Variants in ODAD2 observed in about 807,000 individuals in gnomAD.
The protein encoded by ODAD2 is outer dynein arm docking complex subunit 2.
In ODAD2, 89 loss-of-function variants were observed where a neutral mutation model predicts 106.8. The observed-to-expected ratio is 0.83, with a 90% CI of 0.70 to 0.99. The LOEUF is 0.99. Ranked by LOEUF, ODAD2 falls within the 50% of genes least tolerant of loss-of-function variation. ODAD2 has a pLI of 0.00. For missense variants in ODAD2, 1,168 were observed against 1,238.5 expected (o/e 0.94, Z 0.85); for synonymous variants, 404 against 436.2 (o/e 0.93, Z 0.92).
intron 10 of ODAD2, among the ~76,000 whole-genome samples, chr10:27,954,972 A>G (rs1002748311): frequency 4.6e-5 from 7 of 152,208 alleles, no homozygotes; most frequent in African/African-American, 1.7e-4. Flanking sequence ...TGGAATTTAA[A>G]TATGTTATGA....
In ODAD2 at chr10:27,987,411, C is replaced by T; in HGVS notation, c.357G>A (p.Leu119=). 6.2e-7 allele frequency: 1 copy of T among 1,613,604 alleles called. No homozygotes were observed. Among genetic ancestry groups the T allele is most frequent in the Non-Finnish European group, 8.5e-7 (1 of 1,179,788 alleles). ...CTTCAACACATGCTTGGGCTTCCTT[C>T]AACTTCCCAGTTTTGGCAATAAGTA... ...RLLLIAKTGK[L]KEAQACVEAN... is the part of the protein sequence containing the mutation. The change falls in exon 3 of 20, where the codon TTG becomes TTA. Residue 119 remains leucine (L), a synonymous_variant. Transcript: ENST00000305242.
intron 17 of ODAD2, among the ~76,000 whole-genome samples, chr10:27,896,425 C>T (rs1019975619): frequency 3.3e-5 from 5 of 152,144 alleles, no homozygotes; most frequent in African/African-American, 1.2e-4. Context: ...AGGCAATATT[C>T]AAATTCAAGT....
chr10:27,863,158 C>A (rs1356797090), intron 17 of ODAD2, among the ~76,000 whole-genome samples: 1 of 152,110 alleles, frequency 6.6e-6, no homozygotes, highest in Non-Finnish European at 1.5e-5. Context: ...AACTCATGGC[C>A]AACAGCATTA....
At chr10:27,891,619 A>G (rs1277763884) in intron 17 of ODAD2, among the ~76,000 whole-genome samples, 2 of 152,128 alleles carry the variant, frequency 1.3e-5, no homozygotes, top group Admixed American at 6.5e-5. Flanking sequence ...ATTAATATGA[A>G]TTATACTATT....
intron 19 of ODAD2, among the ~76,000 whole-genome samples, chr10:27,845,306 A>G (rs1034509066): frequency 6.6e-6 from 1 of 152,320 alleles, no homozygotes; most frequent in East Asian, 1.9e-4. Flanking sequence ...CCAGAATTTC[A>G]TAGCCAGCCA....
At position 27,875,770 on chromosome 10, in the gene ODAD2, A is replaced by G. The variant is rs557010910; in HGVS notation, c.2611-13148T>C. Among the ~76,000 whole-genome samples, 9 of 152,318 alleles carry G rather than the reference A, an allele frequency of 5.9e-5. No homozygotes were observed. The East Asian group carries it at 1.5e-3, about 26-fold the overall frequency. On this transcript the variant is annotated intron_variant, in intron 17 of 19. Transcript: ENST00000305242. The stretch of plus-strand genomic sequence containing the variant: ...GGCATTGCCTCACCCAGGAAGCACA[A>G]GGGGTCAGGGAATTCCCTTTCCTAG...
chr10:27,881,981 C>T (rs1004492982), intron 17 of ODAD2, among the ~76,000 whole-genome samples: 3 of 151,752 alleles, frequency 2.0e-5, no homozygotes, highest in Admixed American at 6.6e-5. Context: ...GACTCGACAA[C>T]ATGGTGAAAC....
At chr10:27,981,374 A>G in intron 7 of ODAD2, 92 bp downstream of exon 7, 6 of 1,295,744 alleles carry the variant, frequency 4.6e-6, no homozygotes, top group Non-Finnish European at 6.1e-6. Context: ...AGTGCCCAAA[A>G]ATAGGCAAAA....
chr10:27,857,437 G>C (rs1839736291), intron 19 of ODAD2, among the ~76,000 whole-genome samples: 1 of 152,040 alleles, frequency 6.6e-6, no homozygotes, highest in Non-Finnish European at 1.5e-5. Context: ...CAGTGTAGTG[G>C]GTCATGACCC....
At chr10:27,904,476 A>G (rs1843442955) in intron 17 of ODAD2, 1 of 152,438 alleles carries the variant, frequency 6.6e-6, no homozygotes, top group Non-Finnish European at 1.5e-5. Flanking sequence ...ACTCCATCTC[A>G]ATAAATAAAA....
rs577668257 is a variant in ODAD2 at position 27,895,716 on chromosome 10, C to T, written c.2610+11947G>A. On this transcript the variant is annotated intron_variant, in intron 17 of 19. Transcript: ENST00000305242. ...TCTGAACAATACCTTTTCATCATCA[C>T]GCAAAGTGCTATTAATAGAGTTGCC... 3.9e-5 allele frequency among the ~76,000 whole-genome samples: 6 copies of T among 152,314 alleles called. No individual in the cohort carries two copies. The East Asian group carries it at 5.8e-4, about 15-fold the overall frequency.
At chr10:27,901,027 T>C (rs900035577) in intron 17 of ODAD2, among the ~76,000 whole-genome samples, 2 of 151,860 alleles carry the variant, frequency 1.3e-5, no homozygotes, top group Admixed American at 6.6e-5. Flanking sequence ...TTCAGCAAGA[T>C]TGAAATGGAG....
At chr10:27,825,975 G>A (rs538656397) in intron 19 of ODAD2, among the ~76,000 whole-genome samples, 7 of 152,188 alleles carry the variant, frequency 4.6e-5, no homozygotes, top group African/African-American at 1.2e-4. Context: ...CAAGCACCTC[G>A]CCTCTAACTT....
At chr10:27,978,078 T>C (rs1440086093) in intron 7 of ODAD2, among the ~76,000 whole-genome samples, 2 of 152,228 alleles carry the variant, frequency 1.3e-5, no homozygotes, top group African/African-American at 4.8e-5. Flanking sequence ...TAGTTTTATT[T>C]GTAATAGCCC....
chr10:27,949,493 G>A (rs954441828), intron 10 of ODAD2, among the ~76,000 whole-genome samples: 2 of 152,154 alleles, frequency 1.3e-5, no homozygotes, highest in African/African-American at 4.8e-5. Flanking sequence ...AGGCAGAGAA[G>A]GAGGGGATGT....
intron 12 of ODAD2, among the ~76,000 whole-genome samples, chr10:27,943,701 T>C (rs1347447300): frequency 6.8e-6 from 1 of 146,740 alleles, no homozygotes; most frequent in Non-Finnish European, 1.5e-5. Context: ...ACAGGAAAAT[T>C]GCTTGAACGC....
intron 19 of ODAD2, among the ~76,000 whole-genome samples, chr10:27,832,073 C>G (rs561121050): frequency 6.6e-6 from 1 of 152,250 alleles, no homozygotes; most frequent in Non-Finnish European, 1.5e-5. Flanking sequence ...GGGGCTAACA[C>G]AGAGGTAACT....
At chr10:27,999,502 CTCT>C (rs896326691), upstream of ODAD2, among the ~76,000 whole-genome samples, 8 of 152,152 alleles carry the variant, frequency 5.3e-5, no homozygotes, top group African/African-American at 1.9e-4. Context: ...GCAGAAAGCG[CTCT>C]TCAATAGGGC....
At chr10:27,859,407 T>C (rs1196386679) in intron 19 of ODAD2, among the ~76,000 whole-genome samples, 1 of 152,158 alleles carries the variant, frequency 6.6e-6, no homozygotes, top group Non-Finnish European at 1.5e-5. Flanking sequence ...ATTCTTCTAC[T>C]GGAATAGATT....
Sources: gnomAD v4.1 joint callset for allele counts (sites outside exome capture counted in the v4.1 genomes callset) on GRCh38, gnomAD v4.1.1 for gene constraint, MANE v1.5 for transcripts, NCBI Gene and HGNC (gene_info 2026-07-23, HGNC 2026-07-21) for gene names.